BAIAP2L2: variants seen among roughly 807,000 people sequenced by gnomAD.
BAIAP2L2 encodes BAR/IMD domain-containing adapter protein 2-like 2.
In BAIAP2L2, 65 loss-of-function variants were observed where a neutral mutation model predicts 60.4. That is an observed-to-expected ratio of 1.08 (90% confidence interval 0.88 to 1.32). The LOEUF is 1.32. Among genes scored for constraint, BAIAP2L2 ranks in the 40% most tolerant of loss-of-function variants. The pLI, the probability that BAIAP2L2 is intolerant of heterozygous loss-of-function variation, is 0.00. For synonymous variants in BAIAP2L2, 344 were observed against 301.7 expected, an observed-to-expected ratio of 1.14 and a Z score of -1.45; for missense variants, 836 against 741.2, an observed-to-expected ratio of 1.13 and a Z score of -1.48.
intron 7 of BAIAP2L2, among the ~76,000 whole-genome samples, chr22:38,094,349 CTA>C (rs1409055916): frequency 6.6e-6 from 1 of 152,130 alleles, no homozygotes; most frequent in Non-Finnish European, 1.5e-5. Flanking sequence ...CCACGCTTGG[CTA>C]ACTTTTGTAT....
chr22:38,088,723 C>G, intron 10 of BAIAP2L2, 25 bp downstream of exon 10: 1 of 1,544,590 alleles, frequency 6.5e-7, no homozygotes, highest in Non-Finnish European at 8.8e-7. Flanking sequence ...AACCCACCCC[C>G]GGCCCCTCCA....
intron 4 of BAIAP2L2, among the ~76,000 whole-genome samples, chr22:38,104,619 C>T (rs957010762): frequency 3.3e-5 from 5 of 152,048 alleles, no homozygotes; most frequent in African/African-American, 1.2e-4. Flanking sequence ...CCTCAGCCTC[C>T]CGAGTAGCTG....
chr22:38,089,073 C>T (rs1601995224), intron 9 of BAIAP2L2, 23 bp downstream of exon 9: 4 of 1,379,866 alleles, frequency 2.9e-6, no homozygotes, highest in Non-Finnish European at 3.7e-6. Context: ...GCCCTCCTGC[C>T]GCCCCGGGGC....
chr22:38,089,450 G>T, intron 8 of BAIAP2L2, 72 bp downstream of exon 8: 1 of 874,856 alleles, frequency 1.1e-6, no homozygotes, highest in East Asian at 3.7e-5. Flanking sequence ...TCCAGGCTGG[G>T]GGCCTGAGGC....
intron 2 of BAIAP2L2, among the ~76,000 whole-genome samples, chr22:38,108,901 GA>G (rs1158242684): frequency 6.6e-6 from 1 of 151,990 alleles, no homozygotes; most frequent in Non-Finnish European, 1.5e-5. Context: ...GGAGGCACCT[GA>G]AGGAGGGGGC....
At chr22:38,092,914 G>C (rs1007945900) in intron 7 of BAIAP2L2, among the ~76,000 whole-genome samples, 5 of 152,072 alleles carry the variant, frequency 3.3e-5, no homozygotes, top group Non-Finnish European at 7.4e-5. Context: ...CTTAATTCCA[G>C]CACTTTGGGA....
At chr22:38,105,720 C>T (rs1366726332) in intron 4 of BAIAP2L2, among the ~76,000 whole-genome samples, 1 of 152,170 alleles carries the variant, frequency 6.6e-6, no homozygotes, top group Non-Finnish European at 1.5e-5. Flanking sequence ...CTCTACTTTT[C>T]TCCTAGTGTA....
Position 38,089,769 on chromosome 22 carries a change from C to T in BAIAP2L2, c.613-95G>A, listed in dbSNP as rs2086235977. The T allele has an allele frequency of 4.4e-6, 5 of 1,143,956 alleles. No individual in the cohort carries two copies. The East Asian group carries it at 1.6e-4, about 38-fold the overall frequency. 70.9% of individuals were successfully genotyped at this position (1,143,956 alleles called of 1,614,324 possible). A position where few individuals can be genotyped will look rare whatever the true frequency, so the allele number is the denominator to read the frequency against. On this transcript the variant is annotated intron_variant, in intron 7 of 13. Coordinates refer to ENST00000381669, the MANE Select transcript of BAIAP2L2 (RefSeq NM_025045.6). ...CACCCTCGACCTGAGAGCTCAGGCC[C>T]TACCAGCTCGGGACGACCGGATTTT...
chr22:38,088,721 C>T (rs776063111), intron 10 of BAIAP2L2, 27 bp downstream of exon 10: 3 of 1,510,602 alleles, frequency 2.0e-6, no homozygotes, highest in Non-Finnish European at 2.7e-6. Context: ...TCAACCCACC[C>T]CCGGCCCCTC....
intron 12 of BAIAP2L2, 82 bp from the exon 13 acceptor site, chr22:38,085,814 C>G: frequency 2.2e-6 from 3 of 1,346,018 alleles, no homozygotes; most frequent in Non-Finnish European, 3.1e-6. Context: ...CTCCCCATGC[C>G]CAAGGGCAGA....
intron 7 of BAIAP2L2, among the ~76,000 whole-genome samples, chr22:38,096,385 T>C (rs1226283390): frequency 1.3e-5 from 2 of 152,230 alleles, no homozygotes; most frequent in East Asian, 3.8e-4. Context: ...CTGGGTATGG[T>C]AGCTCATGCC....
At chr22:38,099,041 G>A (rs1237157162) in intron 4 of BAIAP2L2, among the ~76,000 whole-genome samples, 1 of 152,252 alleles carries the variant, frequency 6.6e-6, no homozygotes, top group Non-Finnish European at 1.5e-5. Flanking sequence ...CTCAGAAGCT[G>A]TTGAGGTCTC....
chr22:38,099,469 G>T (rs1269938148), intron 4 of BAIAP2L2, among the ~76,000 whole-genome samples: 1 of 152,038 alleles, frequency 6.6e-6, no homozygotes, highest in Non-Finnish European at 1.5e-5. Flanking sequence ...GGGAGGCGGA[G>T]GTTGTAGTGA....
chr22:38,104,559 G>T lies in BAIAP2L2; in HGVS notation c.276+3293C>A, dbSNP rs529538492. Among the ~76,000 whole-genome samples, 4 of 150,190 alleles carry T rather than the reference G, an allele frequency of 2.7e-5. No homozygotes were observed. In the South Asian group the frequency reaches 8.5e-4, roughly 32 times the overall value. ...CGCCCAGGCTGGAGTGCAGTGGCGC[G>T]ATCTCGGCTCACTGCAAGCTCCGCC... On this transcript the variant is annotated intron_variant, in intron 4 of 13. Coordinates refer to ENST00000381669, the MANE Select transcript of BAIAP2L2 (RefSeq NM_025045.6).
chr22:38,106,922 C>T (rs1421883040), intron 4 of BAIAP2L2, among the ~76,000 whole-genome samples: 1 of 152,194 alleles, frequency 6.6e-6, no homozygotes. Context: ...CTCTGCGGCG[C>T]TCCCAGTCTT....
At chr22:38,096,496 A>G (rs766380424) in intron 7 of BAIAP2L2, among the ~76,000 whole-genome samples, 5 of 152,176 alleles carry the variant, frequency 3.3e-5, no homozygotes, top group Non-Finnish European at 5.9e-5. Flanking sequence ...CTCTACTAAA[A>G]ATACAAAAAT....
chr22:38,087,338 C>T, intron 10 of BAIAP2L2, 74 bp from the exon 11 acceptor site: 4 of 1,530,676 alleles, frequency 2.6e-6, no homozygotes, highest in Non-Finnish European at 3.5e-6. Flanking sequence ...AAGACATCCT[C>T]CCCTCAGGGT....
intron 4 of BAIAP2L2, among the ~76,000 whole-genome samples, chr22:38,106,340 G>A (rs1223397263): frequency 6.6e-6 from 1 of 151,938 alleles, no homozygotes; most frequent in Non-Finnish European, 1.5e-5. Flanking sequence ...CCAACATGGT[G>A]AAACCCCGTC....
At position 38,085,742 on chromosome 22, in the gene BAIAP2L2, G is replaced by T. The variant is rs1400003130; in HGVS notation, c.1468-10C>A. 1 of 1,589,880 alleles carries T rather than the reference G, an allele frequency of 6.3e-7. No homozygotes were observed. Among genetic ancestry groups the T allele is most frequent in the South Asian group, 1.2e-5 (1 of 86,206 alleles). On this transcript the variant is annotated splice_polypyrimidine_tract_variant and intron_variant, in intron 12 of 13. Transcript: ENST00000381669. Reference sequence around the variant, plus strand: ...CTGAGGACATCAGTTTCTGCAGTGGGGGTGGGGAAGGGCTGGTTTGGTGGG... The same window carrying T: ...CTGAGGACATCAGTTTCTGCAGTGGTGGTGGGGAAGGGCTGGTTTGGTGGG...
Sources: gnomAD v4.1 joint callset for allele counts (sites outside exome capture counted in the v4.1 genomes callset) on GRCh38, gnomAD v4.1.1 for gene constraint, MANE v1.5 for transcripts, NCBI Gene and HGNC (gene_info 2026-07-23, HGNC 2026-07-21) for gene names.